The following RAB38 variants were observed in gnomAD, a reference collection of about 807,000 sequenced individuals.
RAB38 encodes the protein RAB38, member RAS oncogene family.
A neutral mutation model predicts 18.4 loss-of-function variants in RAB38; 15 were observed. The ratio of observed to expected loss-of-function variants is 0.82; its 90% confidence interval spans 0.55 to 1.26. The LOEUF is 1.26. Ranked by LOEUF, RAB38 falls within the 50% of genes most tolerant of loss-of-function variation. The pLI is 0.00. For missense variants in RAB38, 294 were observed against 267.4 expected, an observed-to-expected ratio of 1.10 and a Z score of -0.69; for synonymous variants, 101 against 104.4, an observed-to-expected ratio of 0.97 and a Z score of 0.20.
the RAB38 span, among the ~76,000 whole-genome samples, chr11:87,812,958 A>C: frequency 6.6e-6 from 1 of 152,184 alleles, no homozygotes; most frequent in African/African-American, 2.4e-5. Context: ...ATTCCAAAGA[A>C]ATTCTCCGAG....
chr11:87,925,786 G>A, the RAB38 span, among the ~76,000 whole-genome samples: 1 of 152,022 alleles, frequency 6.6e-6, no homozygotes, highest in Non-Finnish European at 1.5e-5. Flanking sequence ...AGGATGGGCT[G>A]TCTGTTGAGG....
chr11:88,100,576 T>C, the RAB38 span, among the ~76,000 whole-genome samples: 1 of 151,932 alleles, frequency 6.6e-6, no homozygotes, highest in Admixed American at 6.6e-5. Context: ...CTGGGGAAAA[T>C]TTTCATGGCT....
chr11:88,049,762 T>C, the RAB38 span, among the ~76,000 whole-genome samples: 1 of 152,238 alleles, frequency 6.6e-6, no homozygotes, highest in East Asian at 1.9e-4. Context: ...TTTGGTGGTC[T>C]CTTCACATGG....
the RAB38 span, among the ~76,000 whole-genome samples, chr11:87,830,936 C>G: frequency 3.9e-5 from 6 of 152,024 alleles, no homozygotes; most frequent in African/African-American, 1.4e-4. Context: ...GTAGCTGGGA[C>G]TATAGGCATG....
At position 88,175,243 on chromosome 11, in the gene RAB38, G is replaced by A. The variant is rs115700798; in HGVS notation, c.142C>T (p.Leu48Phe). 313 of 1,614,150 alleles carry A rather than the reference G, an allele frequency of 1.9e-4. 2 individuals carry two copies. The East Asian group carries it at 6.0e-3, about 31-fold the overall frequency. The change falls in exon 1 of 3, where the codon CTC becomes TTC. Residue 48 changes from leucine to phenylalanine, a missense_variant. Transcript: ENST00000243662. The part of the protein sequence containing the change: ...YRATIGVDFA[L>F]KVLHWDPETV... Reference sequence around the variant, plus strand: ...TCCGGGTCCCAGTGGAGCACCTTGAGCGCGAAGTCCACGCCGATTGTGGCC... The same window carrying A: ...TCCGGGTCCCAGTGGAGCACCTTGAACGCGAAGTCCACGCCGATTGTGGCC...
chr11:88,049,583 T>G, the RAB38 span, among the ~76,000 whole-genome samples: 5 of 152,216 alleles, frequency 3.3e-5, no homozygotes, highest in African/African-American at 1.2e-4. Context: ...TAAACAGCCT[T>G]GTTGCTCACA....
chr11:87,924,503 A>C, the RAB38 span, among the ~76,000 whole-genome samples: 1 of 150,404 alleles, frequency 6.6e-6, no homozygotes, highest in African/African-American at 2.5e-5. Context: ...CTGTTGAGTA[A>C]ATTTTTGATG....
At chr11:88,052,686 C>T in the RAB38 span, among the ~76,000 whole-genome samples, 2 of 151,382 alleles carry the variant, frequency 1.3e-5, no homozygotes, top group African/African-American at 4.9e-5. Context: ...TGACTATGCT[C>T]CTGGCAGTTT....
chr11:87,899,879 C>A, the RAB38 span, among the ~76,000 whole-genome samples: 1 of 151,572 alleles, frequency 6.6e-6, no homozygotes, highest in Non-Finnish European at 1.5e-5. Context: ...AGTGCCAAAG[C>A]AAAACTGTCT....
the RAB38 span, among the ~76,000 whole-genome samples, chr11:87,856,374 A>G: frequency 6.6e-6 from 1 of 152,192 alleles, no homozygotes; most frequent in Non-Finnish European, 1.5e-5. Context: ...AAAGATTCTG[A>G]GTCTCTGAGT....
At chr11:88,071,341 T>TG in the RAB38 span, among the ~76,000 whole-genome samples, 1 of 151,706 alleles carries the variant, frequency 6.6e-6, no homozygotes, top group African/African-American at 2.4e-5. Context: ...TGATGTACGG[T>TG]GGAGGAATGG....
At chr11:88,038,720 C>G in the RAB38 span, among the ~76,000 whole-genome samples, 1 of 152,286 alleles carries the variant, frequency 6.6e-6, no homozygotes, top group African/African-American at 2.4e-5. Context: ...AATTATATAT[C>G]TGCAAAATCT....
At chr11:87,869,357 C>T in the RAB38 span, among the ~76,000 whole-genome samples, 1 of 151,540 alleles carries the variant, frequency 6.6e-6, no homozygotes. Context: ...AACTGAGATT[C>T]AGAGAAATTA....
chr11:87,903,812 G>A, the RAB38 span, among the ~76,000 whole-genome samples: 1 of 150,294 alleles, frequency 6.7e-6, no homozygotes, highest in Non-Finnish European at 1.5e-5. Context: ...CCCTTATTAA[G>A]TTTATTCATA....
chr11:87,860,621 A>G, the RAB38 span, among the ~76,000 whole-genome samples: 2 of 151,986 alleles, frequency 1.3e-5, no homozygotes, highest in Admixed American at 6.6e-5. Flanking sequence ...GTAAATAGAA[A>G]GAATATGGAG....
the RAB38 span, among the ~76,000 whole-genome samples, chr11:87,953,557 A>AC: frequency 6.6e-6 from 1 of 152,178 alleles, no homozygotes; most frequent in African/African-American, 2.4e-5. Context: ...CTGTCCTTTA[A>AC]AATATAATTG....
the RAB38 span, among the ~76,000 whole-genome samples, chr11:88,047,267 G>T: frequency 6.6e-6 from 1 of 151,944 alleles, no homozygotes. Context: ...CATTATTCCT[G>T]ATACCACACC....
intron 2 of RAB38, among the ~76,000 whole-genome samples, chr11:88,129,164 C>G (rs1942739036): frequency 6.6e-6 from 1 of 151,966 alleles, no homozygotes; most frequent in Non-Finnish European, 1.5e-5. Flanking sequence ...ACCTGAGTAC[C>G]TTAACATATA....
At chr11:88,046,460 G>T in the RAB38 span, among the ~76,000 whole-genome samples, 1 of 151,894 alleles carries the variant, frequency 6.6e-6, no homozygotes, top group Non-Finnish European at 1.5e-5. Flanking sequence ...CTATTCTTTT[G>T]CACCCTTCAT....
Sources: gnomAD v4.1 joint callset for allele counts (sites outside exome capture counted in the v4.1 genomes callset) on GRCh38, gnomAD v4.1.1 for gene constraint, MANE v1.5 for transcripts, NCBI Gene and HGNC (gene_info 2026-07-23, HGNC 2026-07-21) for gene names.